CUL5: variants seen among roughly 807,000 people sequenced by gnomAD.
The protein encoded by CUL5 is cullin-5.
In CUL5, 26 loss-of-function variants were observed where a neutral mutation model predicts 108.8. The observed-to-expected ratio is 0.24, with a 90% CI of 0.18 to 0.33. The LOEUF (loss-of-function observed/expected upper bound fraction) is 0.33, where lower values mean the gene tolerates loss of function less well. Among genes scored for constraint, CUL5 ranks in the 10% least tolerant of loss-of-function variants. The pLI, the probability that CUL5 is intolerant of heterozygous loss-of-function variation, is 1.00. For missense variants in CUL5, 524 were observed against 909.2 expected (o/e 0.58, Z 5.45); for synonymous variants, 334 against 298.0 (o/e 1.12, Z -1.25).
chr11:108,074,442 G>A (rs899411093), intron 10 of CUL5, among the ~76,000 whole-genome samples: 6 of 151,504 alleles, frequency 4.0e-5, no homozygotes, highest in East Asian at 2.0e-4. Flanking sequence ...TGATGGGCCC[G>A]CCTCGGCCTC....
chr11:108,098,057 C>T (rs3736509), intron 17 of CUL5, among the ~76,000 whole-genome samples: 28,394 of 151,912 alleles, frequency 0.19, 3,279 homozygotes, highest in East Asian at 0.48. Flanking sequence ...TGTTTTGTTT[C>T]GTTTTTGTTT....
chr11:108,022,386 CATG>C (rs893463201), intron 1 of CUL5, among the ~76,000 whole-genome samples: 2 of 152,078 alleles, frequency 1.3e-5, no homozygotes, highest in African/African-American at 4.8e-5. Flanking sequence ...TATTTTTTAA[CATG>C]ATAACAAATA....
chr11:108,024,588 C>T (rs1270925861), intron 1 of CUL5, among the ~76,000 whole-genome samples: 1 of 152,176 alleles, frequency 6.6e-6, no homozygotes, highest in Non-Finnish European at 1.5e-5. Flanking sequence ...ATTTACACAT[C>T]TACGCTGAAG....
At chr11:108,070,773 A>G (rs1034346999) in intron 8 of CUL5, among the ~76,000 whole-genome samples, 11 of 152,140 alleles carry the variant, frequency 7.2e-5, no homozygotes, top group Non-Finnish European at 1.0e-4. Context: ...TAAATAACGT[A>G]CTTCTACTGA....
At chr11:108,077,792 A>G (rs1863977318) in intron 10 of CUL5, among the ~76,000 whole-genome samples, 2 of 152,068 alleles carry the variant, frequency 1.3e-5, no homozygotes, top group Admixed American at 6.6e-5. Context: ...TAAAAATACA[A>G]AAGTTAGCCT....
chr11:108,057,008 C>T (rs1401530089), intron 7 of CUL5, among the ~76,000 whole-genome samples: 1 of 152,238 alleles, frequency 6.6e-6, no homozygotes, highest in South Asian at 2.1e-4. Context: ...TGTAGATTGA[C>T]GTACATTTAG....
intron 11 of CUL5, among the ~76,000 whole-genome samples, chr11:108,084,222 T>G (rs1864170624): frequency 6.6e-6 from 1 of 152,066 alleles, no homozygotes; most frequent in South Asian, 2.1e-4. Context: ...ATCAGGTAAA[T>G]GTAAAAAATA....
chr11:108,061,292 G>A (rs1591307014), intron 7 of CUL5, among the ~76,000 whole-genome samples: 1 of 152,088 alleles, frequency 6.6e-6, no homozygotes, highest in African/African-American at 2.4e-5. Context: ...ATACAAAAGA[G>A]GAATAACATG....
intron 2 of CUL5, among the ~76,000 whole-genome samples, chr11:108,035,979 C>G (rs1239924703): frequency 6.6e-6 from 1 of 152,146 alleles, no homozygotes; most frequent in East Asian, 1.9e-4. Flanking sequence ...AGCCATATTT[C>G]AAGTCCGAGT....
At chr11:108,012,431 C>G (rs532958450) in intron 1 of CUL5, among the ~76,000 whole-genome samples, 2 of 151,802 alleles carry the variant, frequency 1.3e-5, no homozygotes, top group South Asian at 4.2e-4. Flanking sequence ...ATGTTCTTCT[C>G]TGTTCCATGC....
At chr11:108,044,989 C>T (rs2135117438) in intron 2 of CUL5, among the ~76,000 whole-genome samples, 1 of 152,194 alleles carries the variant, frequency 6.6e-6, no homozygotes, top group South Asian at 2.1e-4. Flanking sequence ...TCTTGAACTC[C>T]TGACCTCAAG....
At chr11:108,040,404 G>T (rs555259469) in intron 2 of CUL5, among the ~76,000 whole-genome samples, 1 of 152,306 alleles carries the variant, frequency 6.6e-6, no homozygotes, top group East Asian at 1.9e-4. Flanking sequence ...CTGAGGTCAG[G>T]AGTTCGATAC....
At chr11:108,038,795 C>T (rs1229226938) in intron 2 of CUL5, among the ~76,000 whole-genome samples, 1 of 151,986 alleles carries the variant, frequency 6.6e-6, no homozygotes, top group Non-Finnish European at 1.5e-5. Flanking sequence ...TAAATTTTAG[C>T]CATATTTTGG....
At chr11:108,031,660 T>C (rs940259852) in intron 1 of CUL5, among the ~76,000 whole-genome samples, 12 of 152,354 alleles carry the variant, frequency 7.9e-5, no homozygotes, top group South Asian at 2.1e-4. Flanking sequence ...TATGTTCTTA[T>C]ATCAGTACCA....
intron 1 of CUL5, among the ~76,000 whole-genome samples, chr11:108,019,489 G>C (rs751257159): frequency 6.6e-6 from 1 of 152,020 alleles, no homozygotes; most frequent in Admixed American, 6.6e-5. Flanking sequence ...TTGATGTTTT[G>C]GTCAACAACG....
At chr11:108,048,952 A>C (rs1031025517) in intron 3 of CUL5, among the ~76,000 whole-genome samples, 2 of 151,832 alleles carry the variant, frequency 1.3e-5, no homozygotes, top group Non-Finnish European at 2.9e-5. Context: ...GGCATGAGCC[A>C]CCGCACCTGC....
chr11:108,071,841 A>G (rs1442358527), intron 8 of CUL5, among the ~76,000 whole-genome samples: 2 of 152,086 alleles, frequency 1.3e-5, no homozygotes, highest in Non-Finnish European at 1.5e-5. Context: ...AGCGTGAACC[A>G]CCACACCCAG....
At chr11:108,094,697 A>G in intron 14 of CUL5, 115 bp from the exon 15 acceptor site, 1 of 916,360 alleles carries the variant, frequency 1.1e-6, no homozygotes, top group Non-Finnish European at 1.6e-6. Flanking sequence ...ACAAAAGGAC[A>G]CTTTTAACAA....
chr11:108,081,548 C>T (rs990588603), intron 11 of CUL5, among the ~76,000 whole-genome samples: 4 of 151,700 alleles, frequency 2.6e-5, no homozygotes, highest in Non-Finnish European at 4.4e-5. Flanking sequence ...GTCAGGAGAT[C>T]GAGACCATCC....
Sources: allele counts gnomAD v4.1 joint callset (sites outside exome capture counted in the v4.1 genomes callset), GRCh38; gene constraint gnomAD v4.1.1; transcripts MANE v1.5; gene names NCBI Gene and HGNC (gene_info 2026-07-23, HGNC 2026-07-21).